KCNG2: variants seen among roughly 807,000 people sequenced by gnomAD.
The protein encoded by KCNG2 is voltage-gated potassium channel regulatory subunit KCNG2.
Under a neutral mutation model 12.3 loss-of-function variants are expected in KCNG2, and 7 were observed. The ratio of observed to expected loss-of-function variants is 0.57; its 90% CI spans 0.32 to 1.07. KCNG2 has a LOEUF of 1.07. Among genes scored for constraint, KCNG2 ranks in the 50% least tolerant of loss-of-function variants. KCNG2 has a pLI of 0.04. For missense variants in KCNG2, 703 were observed against 726.0 expected, an observed-to-expected ratio of 0.97 and a Z score of 0.36; for synonymous variants, 414 against 351.4, an observed-to-expected ratio of 1.18 and a Z score of -1.99.
intron 1 of KCNG2, among the ~76,000 whole-genome samples, chr18:79,811,161 G>T (rs2087491558): frequency 6.6e-6 from 1 of 152,118 alleles, no homozygotes; most frequent in Non-Finnish European, 1.5e-5. Flanking sequence ...CTCCCAAACT[G>T]ATCTATAGAT....
intron 3 of KCNG2, among the ~76,000 whole-genome samples, chr18:79,888,986 C>T (rs1001113960): frequency 1.1e-4 from 16 of 152,140 alleles, no homozygotes; most frequent in Non-Finnish European, 5.9e-5. Flanking sequence ...CCCTCCTTTG[C>T]CCAATTTTAA....
chr18:79,872,726 C>T (rs958918379), intron 3 of KCNG2, among the ~76,000 whole-genome samples: 5 of 152,236 alleles, frequency 3.3e-5, no homozygotes, highest in Non-Finnish European at 4.4e-5. Context: ...AGCGGCAGGG[C>T]TTGAAACATT....
chr18:79,890,411 G>T (rs1269391509), intron 3 of KCNG2, among the ~76,000 whole-genome samples: 4 of 152,186 alleles, frequency 2.6e-5, no homozygotes, highest in East Asian at 1.9e-4. Flanking sequence ...GGTAGGATTG[G>T]TCCTGTCACC....
chr18:79,810,172 G>T (rs1204683458), intron 1 of KCNG2, among the ~76,000 whole-genome samples: 3 of 152,234 alleles, frequency 2.0e-5, no homozygotes, highest in Non-Finnish European at 2.9e-5. Context: ...GATGGAGGCG[G>T]TGGGAGGGGG....
At chr18:79,824,181 T>C (rs1398223641) in intron 1 of KCNG2, among the ~76,000 whole-genome samples, 1 of 152,220 alleles carries the variant, frequency 6.6e-6, no homozygotes, top group Non-Finnish European at 1.5e-5. Context: ...GTATTTTTTG[T>C]AGAGACAGGG....
chr18:79,899,390 G>T lies in KCNG2; in HGVS notation c.975G>T (p.Leu325=). The T allele has an allele frequency of 6.4e-7, 1 of 1,573,848 alleles. No individual in the cohort carries two copies. The highest frequency in any genetic ancestry group is 2.3e-5 in the East Asian group (1 of 42,726). The change falls in exon 4 of 4, where the codon CTG becomes CTT. Residue 325 remains leucine (L), a synonymous_variant. Coordinates refer to ENST00000316249, the MANE Select transcript of KCNG2 (RefSeq NM_012283.2). ...MRRCAREFGL[L]LLFLCVAMAL... ...GCTGCGCGCGCGAGTTCGGGCTGCT[G>T]CTGCTGTTCCTCTGCGTGGCCATGG...
chr18:79,851,172 C>CA (rs1225227266), intron 1 of KCNG2, among the ~76,000 whole-genome samples: 99 of 150,866 alleles, frequency 6.6e-4, no homozygotes, highest in African/African-American at 2.2e-3. Flanking sequence ...ATATACAAGA[C>CA]AAAAAAAAAG....
chr18:79,899,900 G>A lies in KCNG2; in HGVS notation c.*84G>A, dbSNP rs1473994458. ...CGAGGTGCGCCAAGGGGTGGGGGGC[G>A]TCTGGCCTGGGGGAGCGGCTCCTGC... On this transcript the variant is annotated 3_prime_UTR_variant, in exon 4 of 4. Coordinates refer to ENST00000316249, the MANE Select transcript of KCNG2 (RefSeq NM_012283.2). The A allele has an allele frequency of 9.0e-6, 11 of 1,220,938 alleles. No homozygotes were observed. The highest frequency in any genetic ancestry group is 3.1e-4 in the Middle Eastern group (1 of 3,256). 75.6% of individuals were successfully genotyped at this position (1,220,938 alleles called of 1,614,324 possible).
intron 1 of KCNG2, among the ~76,000 whole-genome samples, chr18:79,837,514 A>C (rs892020508): frequency 1.3e-5 from 2 of 152,330 alleles, no homozygotes; most frequent in South Asian, 2.1e-4. Context: ...GCTTTACTCT[A>C]CTAGAGGTTC....
At chr18:79,818,376 G>A (rs1466460042) in intron 1 of KCNG2, among the ~76,000 whole-genome samples, 3 of 152,228 alleles carry the variant, frequency 2.0e-5, no homozygotes, top group Non-Finnish European at 2.9e-5. Context: ...GCCCGCGAGA[G>A]ATGCGCCAGG....
At position 79,863,677 on chromosome 18, in the gene KCNG2, T is replaced by C; in HGVS notation, c.10T>C (p.Trp4Arg). The C allele has an allele frequency of 4.2e-6, 5 of 1,203,862 alleles. No individual in the cohort carries two copies. Among genetic ancestry groups the C allele is most frequent in the Non-Finnish European group, 5.2e-6 (5 of 970,406 alleles). 74.6% of individuals were successfully genotyped at this position (1,203,862 alleles called of 1,614,324 possible). ...CGGTCCGGCCCTGCGCATGGAGCCATGGCCCTGCTCCCCGGGCGGCGGCGG... is the reference window on the plus strand; with the variant it reads ...CGGTCCGGCCCTGCGCATGGAGCCACGGCCCTGCTCCCCGGGCGGCGGCGG... MEP[W>R]PCSPGGGGGT... is the part of the protein sequence containing the mutation. The change falls in exon 3 of 4, where the codon TGG becomes CGG. Residue 4 changes from tryptophan to arginine, a missense_variant. Physicochemically the swap from Trp to Arg is moderately radical, Grantham distance 101. Transcript: ENST00000316249.
At chr18:79,825,162 C>T (rs2087604067) in intron 1 of KCNG2, among the ~76,000 whole-genome samples, 2 of 152,182 alleles carry the variant, frequency 1.3e-5, no homozygotes, top group Non-Finnish European at 1.5e-5. Flanking sequence ...TTCTAACTCT[C>T]CTGGGACAGT....
At position 79,856,439 on chromosome 18, in the gene KCNG2, C is replaced by G. The variant is rs924820578; in HGVS notation, c.-54C>G. Among the ~76,000 whole-genome samples the G allele has an allele frequency of 6.6e-6, 1 of 152,238 alleles. No individual in the cohort carries two copies. The highest frequency in any genetic ancestry group is 1.5e-5 in the Non-Finnish European group (1 of 68,036). ...TTCCCTGAAAGAGAATACCCTGTAC[C>G]TTCACAGAGCCAGGTAAACCCAGAA... On this transcript the variant is annotated 5_prime_UTR_variant, in exon 2 of 4. Transcript: ENST00000316249.
At chr18:79,895,643 T>C (rs563048984) in intron 3 of KCNG2, among the ~76,000 whole-genome samples, 1 of 152,320 alleles carries the variant, frequency 6.6e-6, no homozygotes, top group Admixed American at 6.5e-5. Flanking sequence ...TGTCTGCTAT[T>C]GATTGGGTTG....
intron 3 of KCNG2, among the ~76,000 whole-genome samples, chr18:79,875,597 C>T (rs1447134728): frequency 6.6e-6 from 1 of 152,238 alleles, no homozygotes; most frequent in Non-Finnish European, 1.5e-5. Context: ...CCGTCCCACC[C>T]TACACGGTGG....
intron 1 of KCNG2, among the ~76,000 whole-genome samples, chr18:79,852,091 G>T (rs1978844304): frequency 6.6e-6 from 1 of 152,176 alleles, no homozygotes; most frequent in Non-Finnish European, 1.5e-5. Context: ...CTGCAATGAG[G>T]CTCTGCTCGT....
At chr18:79,872,671 A>G (rs1979897196) in intron 3 of KCNG2, among the ~76,000 whole-genome samples, 2 of 152,332 alleles carry the variant, frequency 1.3e-5, no homozygotes, top group Admixed American at 1.3e-4. Flanking sequence ...CTTAGTTCTC[A>G]GACTCTGAGT....
At chr18:79,807,350 C>G (rs905407557) in intron 1 of KCNG2, among the ~76,000 whole-genome samples, 1 of 152,218 alleles carries the variant, frequency 6.6e-6, no homozygotes, top group African/African-American at 2.4e-5. Flanking sequence ...TGCCGACGCT[C>G]TCTGCATCTG....
intron 3 of KCNG2, among the ~76,000 whole-genome samples, chr18:79,873,095 C>CG (rs1979915476): frequency 6.6e-6 from 1 of 152,104 alleles, no homozygotes; most frequent in Non-Finnish European, 1.5e-5. Context: ...ACAGGATGGG[C>CG]AGCAGGGTGG....
Sources: gnomAD v4.1 joint callset for allele counts (sites outside exome capture counted in the v4.1 genomes callset) on GRCh38, gnomAD v4.1.1 for gene constraint, MANE v1.5 for transcripts, NCBI Gene and HGNC (gene_info 2026-07-23, HGNC 2026-07-21) for gene names.